Variants in RBFOX1 observed in about 807,000 individuals in gnomAD.
RBFOX1 encodes the protein RNA binding fox-1 homolog 1.
In RBFOX1, 8 loss-of-function variants were observed where a neutral mutation model predicts 57.7. The ratio of observed to expected loss-of-function variants is 0.14; its 90% confidence interval spans 0.08 to 0.25. RBFOX1 has a LOEUF of 0.25. Ranked by LOEUF, RBFOX1 falls within the 10% of genes least tolerant of loss-of-function variation. RBFOX1 has a pLI of 1.00. For missense variants in RBFOX1, 611 were observed against 548.5 expected (o/e 1.11, Z -1.14); for synonymous variants, 326 against 222.4 (o/e 1.47, Z -4.15).
intron 14 of RBFOX1, among the ~76,000 whole-genome samples, chr16:7,703,744 G>A (rs181057291): frequency 1.3e-5 from 2 of 152,282 alleles, no homozygotes. Flanking sequence ...TCCCATTCAA[G>A]AGGCTGCATA....
chr16:6,880,184 G>A (rs1205231513), intron 3 of RBFOX1, among the ~76,000 whole-genome samples: 1 of 151,082 alleles, frequency 6.6e-6, no homozygotes, highest in Non-Finnish European at 1.5e-5. Flanking sequence ...CTCAATCTGT[G>A]TACTCCTTTA....
intron 1 of RBFOX1, among the ~76,000 whole-genome samples, chr16:6,229,418 A>G (rs1165192371): frequency 1.3e-5 from 2 of 152,120 alleles, no homozygotes. Context: ...CTTTTGTCTT[A>G]CAGTTTCCAC....
intron 2 of RBFOX1, among the ~76,000 whole-genome samples, chr16:6,411,440 C>A (rs770628766): frequency 1.6e-4 from 25 of 152,182 alleles, no homozygotes; most frequent in Non-Finnish European, 3.1e-4. Flanking sequence ...CTTCATCTAT[C>A]TTCCAATACA....
At chr16:7,318,341 G>C (rs188463933) in intron 4 of RBFOX1, among the ~76,000 whole-genome samples, 4 of 151,876 alleles carry the variant, frequency 2.6e-5, no homozygotes, top group African/African-American at 9.7e-5. Flanking sequence ...TGACAGTGCT[G>C]ATGGTGGTAG....
At chr16:5,277,327 A>G (rs987398428) in intron 1 of RBFOX1, among the ~76,000 whole-genome samples, 1 of 152,122 alleles carries the variant, frequency 6.6e-6, no homozygotes, top group Non-Finnish European at 1.5e-5. Context: ...GGGGTGAGAG[A>G]TAAAAGACTA....
rs1446878393 is a variant in RBFOX1, at chr16:6,780,201, TTATATATTTA to T, written c.-16+125569_-16+125578del. Among the ~76,000 whole-genome samples the T allele has an allele frequency of 4.9e-4, 8 of 16,458 alleles. 1 individual carries two copies. The highest frequency in any genetic ancestry group is 1.2e-3 in the Admixed American group (1 of 818). 10.8% of individuals were successfully genotyped at this position (16,458 alleles called of 152,430 possible). On this transcript the variant is annotated intron_variant, in intron 3 of 15. Coordinates refer to ENST00000550418, the MANE Select transcript of RBFOX1 (RefSeq NM_018723.4). ...TATTTATATATATATTTATATATTTTTATATATTTATATATATTTATATATATATTTATAT... is the reference window on the plus strand; with the variant it reads ...TATTTATATATATATTTATATATTTTTATATATTTATATATATATTTATAT...
At chr16:7,106,979 G>A (rs1488303476) in intron 4 of RBFOX1, among the ~76,000 whole-genome samples, 14 of 146,470 alleles carry the variant, frequency 9.6e-5, no homozygotes, top group Non-Finnish European at 2.1e-4. Flanking sequence ...AAGCCACACA[G>A]TTAAAACACA....
chr16:6,213,099 C>G (rs552020723), intron 1 of RBFOX1, among the ~76,000 whole-genome samples: 12 of 152,302 alleles, frequency 7.9e-5, no homozygotes, highest in Admixed American at 7.8e-4. Flanking sequence ...TCATTTTGAA[C>G]TAAAACCTTC....
chr16:6,306,756 C>T (rs1405929589), intron 1 of RBFOX1, among the ~76,000 whole-genome samples: 1 of 152,138 alleles, frequency 6.6e-6, no homozygotes, highest in Non-Finnish European at 1.5e-5. Context: ...ATCATTGAAC[C>T]TAAAAGAATC....
At chr16:6,575,177 C>T (rs1025035847) in intron 2 of RBFOX1, among the ~76,000 whole-genome samples, 3 of 152,102 alleles carry the variant, frequency 2.0e-5, no homozygotes, top group Admixed American at 6.5e-5. Flanking sequence ...GAAAAAGACA[C>T]GGCCTCATTT....
Position 7,584,889 on chromosome 16 carries a change from A to G in RBFOX1, c.415-2358A>G, listed in dbSNP as rs371218283. ...CCGTCAACCTAACAGCAACTGCCAC[A>G]GAAGCAAACTTTGAGACCACTTCAG... On this transcript the variant is annotated intron_variant, in intron 6 of 15. Coordinates refer to ENST00000550418, the MANE Select transcript of RBFOX1 (RefSeq NM_018723.4). Among the ~76,000 whole-genome samples, 7 of 152,186 alleles carry G rather than the reference A, an allele frequency of 4.6e-5. No homozygotes were observed. The East Asian group carries it at 5.8e-4, about 13-fold the overall frequency.
Position 7,574,699 on chromosome 16 carries a change from A to G in RBFOX1, c.271-5078A>G, listed in dbSNP as rs371552387. Among the ~76,000 whole-genome samples the G allele has an allele frequency of 3.3e-5, 5 of 152,092 alleles. No individual in the cohort carries two copies. In the East Asian group the frequency reaches 7.7e-4, roughly 24 times the overall value. On this transcript the variant is annotated intron_variant, in intron 5 of 15. Transcript: ENST00000550418. ...TGAGGGTGGGTTGGCCAGTCCACTG[A>G]CTTGAATGTTTATCTCCTTTGGCAG...
chr16:6,943,706 T>TC (rs1177312300), intron 3 of RBFOX1, among the ~76,000 whole-genome samples: 1 of 140,150 alleles, frequency 7.1e-6, no homozygotes, highest in African/African-American at 2.7e-5. Context: ...AGACTCTGTC[T>TC]TTAAAAAAAA....
At chr16:6,052,682 G>T (rs1159468915) in intron 1 of RBFOX1, among the ~76,000 whole-genome samples, 1 of 151,918 alleles carries the variant, frequency 6.6e-6, no homozygotes, top group African/African-American at 2.4e-5. Context: ...TACTCGGGAG[G>T]CTGAGGCAGG....
At chr16:5,599,110 A>C (rs897625559) in exon 3 of RBFOX1, 7 of 797,672 alleles carry the variant, frequency 8.8e-6, no homozygotes, top group Non-Finnish European at 1.5e-5. Flanking sequence ...GAGGGGAATA[A>C]ATTTTCCAGA....
rs369854872 is a variant in RBFOX1, at chr16:6,706,893, GT to G, written c.-16+52249del. ...CCTCTATGTGTCTCAGAGAACTCCT[GT>G]TTTTTGCAATATTGCTAGTTGTTTG... On this transcript the variant is annotated intron_variant, in intron 3 of 15. Coordinates refer to ENST00000550418, the MANE Select transcript of RBFOX1 (RefSeq NM_018723.4). Among the ~76,000 whole-genome samples the G allele has an allele frequency of 8.6e-5, 13 of 152,026 alleles. 1 individual carries two copies. Among genetic ancestry groups the G allele is most frequent in the African/African-American group, 2.9e-4 (12 of 41,464 alleles).
intron 3 of RBFOX1, among the ~76,000 whole-genome samples, chr16:7,024,909 C>G (rs1303360655): frequency 6.6e-6 from 1 of 152,106 alleles, no homozygotes; most frequent in Non-Finnish European, 1.5e-5. Flanking sequence ...CTGCACTCCT[C>G]ACTTTATAGA....
intron 2 of RBFOX1, among the ~76,000 whole-genome samples, chr16:6,574,393 G>A (rs1027873419): frequency 6.6e-6 from 1 of 150,996 alleles, no homozygotes; most frequent in Non-Finnish European, 1.5e-5. Context: ...GGCGGAACTC[G>A]GTGTAGCAAG....
intron 3 of RBFOX1, among the ~76,000 whole-genome samples, chr16:5,744,532 T>A (rs1352450184): frequency 6.6e-6 from 1 of 152,134 alleles, no homozygotes; most frequent in African/African-American, 2.4e-5. Context: ...CTTCAGTGGC[T>A]TTGCACTGAT....
Sources: allele counts gnomAD v4.1 joint callset (sites outside exome capture counted in the v4.1 genomes callset), GRCh38; gene constraint gnomAD v4.1.1; transcripts MANE v1.5; gene names NCBI Gene and HGNC (gene_info 2026-07-23, HGNC 2026-07-21).